Variants in TRDN observed in about 807,000 individuals in gnomAD.
TRDN encodes triadin, also known as triadin in skeletal muscle.
Under a neutral mutation model 149.7 loss-of-function variants are expected in TRDN, and 161 were observed. The ratio of observed to expected loss-of-function variants is 1.08; its 90% confidence interval spans 0.95 to 1.23. The LOEUF (loss-of-function observed/expected upper bound fraction) is 1.23. Among genes scored for constraint, TRDN ranks in the 50% most tolerant of loss-of-function variants. The probability of loss-of-function intolerance (pLI) is 0.00; values close to 1 mark genes in which losing one functional copy is unlikely to be tolerated. For synonymous variants in TRDN, 294 were observed against 250.5 expected (o/e 1.17, Z -1.64); for missense variants, 896 against 823.5 (o/e 1.09, Z -1.08).
chr6:123,613,009 G>T (rs945667932), intron 1 of TRDN, among the ~76,000 whole-genome samples: 3 of 151,964 alleles, frequency 2.0e-5, no homozygotes, highest in African/African-American at 4.8e-5. Flanking sequence ...TCTCATCATA[G>T]AAATAAAATC....
rs115238228 is a variant in TRDN at position 123,372,171 on chromosome 6, C to A, written c.1273+3434G>T. On this transcript the variant is annotated intron_variant, in intron 19 of 40. Coordinates refer to ENST00000334268, the MANE Select transcript of TRDN (RefSeq NM_006073.4). The stretch of plus-strand genomic sequence containing the variant: ...CCATGCCAGAGTATTTAAACTGAGT[C>A]AAAAAAAAAACCATGCAATTTTATT... Among the ~76,000 whole-genome samples, 1,375 of 146,060 alleles carry A rather than the reference C, an allele frequency of 9.4e-3. 21 individuals are homozygous for A. Among genetic ancestry groups the A allele is most frequent in the African/African-American group, 0.033 (1,313 of 39,988 alleles).
At chr6:123,312,779 C>T (rs562351557) in intron 24 of TRDN, among the ~76,000 whole-genome samples, 215 of 152,064 alleles carry the variant, frequency 1.4e-3, no homozygotes, top group Non-Finnish European at 2.5e-3. Context: ...CTAGGGAACC[C>T]TTCACTAATA....
At chr6:123,567,537 AG>A (rs2114523785) in intron 2 of TRDN, among the ~76,000 whole-genome samples, 2 of 151,974 alleles carry the variant, frequency 1.3e-5, no homozygotes, top group South Asian at 4.2e-4. Flanking sequence ...GCTTCTGGTA[AG>A]GCTTCAGGGT....
At chr6:123,430,474 A>C (rs1038424875) in intron 12 of TRDN, among the ~76,000 whole-genome samples, 5 of 151,690 alleles carry the variant, frequency 3.3e-5, no homozygotes, top group Non-Finnish European at 5.9e-5. Flanking sequence ...CCCAGCTACT[A>C]GGGAGGCCGA....
intron 7 of TRDN, among the ~76,000 whole-genome samples, chr6:123,511,629 C>A (rs992135927): frequency 6.6e-6 from 1 of 152,110 alleles, no homozygotes; most frequent in Non-Finnish European, 1.5e-5. Flanking sequence ...AACTTAGCCA[C>A]TTAAAATAAC....
intron 1 of TRDN, among the ~76,000 whole-genome samples, chr6:123,635,587 G>A (rs1461833426): frequency 6.6e-6 from 1 of 151,900 alleles, no homozygotes; most frequent in South Asian, 2.1e-4. Context: ...ATTTCTCAGT[G>A]CAAGGTACAA....
intron 20 of TRDN, 66 bp downstream of exon 20, chr6:123,366,069 C>G: frequency 5.0e-6 from 7 of 1,406,890 alleles, no homozygotes; most frequent in Non-Finnish European, 5.0e-6. Flanking sequence ...CAAAACAATA[C>G]ATTGTTAGAA....
chr6:123,283,800 G>C (rs1169367509), intron 24 of TRDN, among the ~76,000 whole-genome samples: 1 of 149,558 alleles, frequency 6.7e-6, no homozygotes, highest in African/African-American at 2.5e-5. Flanking sequence ...AGACTGAAAT[G>C]ATAATAAAAA....
intron 1 of TRDN, among the ~76,000 whole-genome samples, chr6:123,612,950 C>T (rs1397227601): frequency 6.6e-6 from 1 of 152,028 alleles, no homozygotes; most frequent in African/African-American, 2.4e-5. Flanking sequence ...CAATTCATTC[C>T]AACTCTATTT....
At chr6:123,289,992 C>T (rs1777945196) in intron 24 of TRDN, among the ~76,000 whole-genome samples, 1 of 152,168 alleles carries the variant, frequency 6.6e-6, no homozygotes. Context: ...AGCTGTCTTG[C>T]TCAGGTAAGT....
In TRDN at chr6:123,249,366, T is replaced by C. The variant is rs376822055; in HGVS notation, c.1975+3046A>G. ...ATTGGTTCAATTCCTATGGAAAACATTATGGAGAGTTCTCAAAGAACTAAA... is the reference window on the plus strand; with the variant it reads ...ATTGGTTCAATTCCTATGGAAAACACTATGGAGAGTTCTCAAAGAACTAAA... On this transcript the variant is annotated intron_variant, in intron 38 of 40. Coordinates refer to ENST00000334268, the MANE Select transcript of TRDN (RefSeq NM_006073.4). Among the ~76,000 whole-genome samples the C allele has an allele frequency of 5.9e-5, 9 of 152,132 alleles. No individual in the cohort carries two copies. The East Asian group carries it at 1.2e-3, about 20-fold the overall frequency.
intron 1 of TRDN, among the ~76,000 whole-genome samples, chr6:123,584,971 G>A (rs1291378959): frequency 1.7e-4 from 26 of 152,140 alleles, no homozygotes; most frequent in African/African-American, 2.2e-4. Context: ...GGCTTTAAAT[G>A]GCCATGCTGT....
chr6:123,293,413 C>T (rs1390350625), intron 24 of TRDN, among the ~76,000 whole-genome samples: 2 of 152,100 alleles, frequency 1.3e-5, no homozygotes, highest in East Asian at 1.9e-4. Flanking sequence ...AGAAGTTTCC[C>T]TGTGATTCTT....
chr6:123,218,372 C>G lies in TRDN; in HGVS notation c.*229G>C. Reference sequence around the variant, plus strand: ...GGAAATAAGATAAATACAAGCACCCCCTCCCACCGCAGCAAACACACATAA... The same window carrying G: ...GGAAATAAGATAAATACAAGCACCCGCTCCCACCGCAGCAAACACACATAA... On this transcript the variant is annotated 3_prime_UTR_variant, in exon 41 of 41. Coordinates refer to ENST00000334268, the MANE Select transcript of TRDN (RefSeq NM_006073.4). 1 of 426,574 alleles carries G rather than the reference C, an allele frequency of 2.3e-6. No homozygotes were observed. The allele number at this position is 426,574 out of a possible 1,614,324, so 26.4% of individuals were successfully genotyped here.
intron 21 of TRDN, chr6:123,352,032 C>G: frequency 1.0e-6 from 1 of 977,578 alleles, no homozygotes; most frequent in Non-Finnish European, 1.2e-6. Context: ...AAATTTCAGA[C>G]CTCTTGGGAG....
intron 24 of TRDN, among the ~76,000 whole-genome samples, chr6:123,294,163 T>C (rs1293824868): frequency 1.3e-5 from 2 of 152,142 alleles, no homozygotes; most frequent in Non-Finnish European, 2.9e-5. Context: ...TAATAAAACA[T>C]GCTACACATA....
At chr6:123,385,941 TA>T (rs982547024) in intron 14 of TRDN, among the ~76,000 whole-genome samples, 6 of 151,418 alleles carry the variant, frequency 4.0e-5, no homozygotes, top group South Asian at 2.1e-4. Context: ...TCCTAGTAGT[TA>T]AAAAAAAATC....
intron 2 of TRDN, among the ~76,000 whole-genome samples, chr6:123,551,790 T>C (rs1781405171): frequency 6.6e-6 from 1 of 152,098 alleles, no homozygotes; most frequent in Non-Finnish European, 1.5e-5. Flanking sequence ...TTTTAGGCCA[T>C]CAAAACAAGA....
chr6:123,243,579 C>G (rs977051807), intron 38 of TRDN, among the ~76,000 whole-genome samples: 2 of 151,852 alleles, frequency 1.3e-5, no homozygotes, highest in Non-Finnish European at 2.9e-5. Flanking sequence ...AAAGAGATAG[C>G]TATTTTAAAA....
Sources: allele counts gnomAD v4.1 joint callset (sites outside exome capture counted in the v4.1 genomes callset), GRCh38; gene constraint gnomAD v4.1.1; transcripts MANE v1.5; gene names NCBI Gene and HGNC (gene_info 2026-07-23, HGNC 2026-07-21).